The following ADAMTS17 variants were observed in gnomAD, a reference collection of about 807,000 sequenced individuals.
ADAMTS17 encodes ADAM metallopeptidase with thrombospondin type 1 motif 17.
ADAMTS17 carries 113 observed loss-of-function variants against 141.5 expected under a neutral mutation model. The observed-to-expected ratio is 0.80, with a 90% CI of 0.69 to 0.93. The LOEUF is 0.93. Ranked by LOEUF, ADAMTS17 falls within the 40% of genes least tolerant of loss-of-function variation. ADAMTS17 has a pLI of 0.00. For synonymous variants in ADAMTS17, 768 were observed against 630.6 expected (o/e 1.22, Z -3.27); for missense variants, 1,659 against 1,517.9 (o/e 1.09, Z -1.54).
rs2038460758 is a variant in ADAMTS17, at chr15:100,138,660, G to A, written c.1474-5345C>T. On this transcript the variant is annotated intron_variant, in intron 10 of 21. Transcript: ENST00000268070. ...GAAGAACCAAGTGAGAAATACTGAT[G>A]TATGTGTCTAATCAGACCCAGAAGG... 3.9e-5 allele frequency among the ~76,000 whole-genome samples: 6 copies of A among 152,224 alleles called. No individual in the cohort carries two copies. In the South Asian group the frequency reaches 1.0e-3, roughly 26 times the overall value.
At chr15:100,000,881 G>GGA (rs2060907386) in intron 18 of ADAMTS17, among the ~76,000 whole-genome samples, 1 of 152,128 alleles carries the variant, frequency 6.6e-6, no homozygotes, top group East Asian at 1.9e-4. Flanking sequence ...CTCAAATAAA[G>GGA]GAGACATCTT....
chr15:99,978,948 CTT>C (rs2060424424), intron 20 of ADAMTS17: 1 of 152,264 alleles, frequency 6.6e-6, no homozygotes, highest in African/African-American at 2.4e-5. Flanking sequence ...AAAGAGCTCT[CTT>C]TTCTTCCTGT....
intron 3 of ADAMTS17, among the ~76,000 whole-genome samples, chr15:100,286,202 G>C (rs2044442125): frequency 6.6e-6 from 1 of 152,140 alleles, no homozygotes; most frequent in South Asian, 2.1e-4. Flanking sequence ...CGTATTGGCA[G>C]ACTTCACCCT....
intron 12 of ADAMTS17, among the ~76,000 whole-genome samples, chr15:100,127,720 T>C (rs1208974634): frequency 8.5e-5 from 13 of 152,124 alleles, no homozygotes; most frequent in Non-Finnish European, 1.5e-5. Flanking sequence ...TAGCTGGGAT[T>C]ACAGGCATGT....
Position 100,329,863 on chromosome 15 carries a change from G to C in ADAMTS17, c.616+1026C>G, listed in dbSNP as rs1037452190. On this transcript the variant is annotated intron_variant, in intron 3 of 21. Coordinates refer to ENST00000268070, the MANE Select transcript of ADAMTS17 (RefSeq NM_139057.4). Reference sequence around the variant, plus strand: ...TGCAAAACTTGTTTACAAATAACAAGGTAATTCTAAAGCAGTCACATAATT... The same window carrying C: ...TGCAAAACTTGTTTACAAATAACAACGTAATTCTAAAGCAGTCACATAATT... Among the ~76,000 whole-genome samples, 3 of 152,304 alleles carry C rather than the reference G, an allele frequency of 2.0e-5. No individual in the cohort carries two copies. The South Asian group carries it at 6.2e-4, about 32-fold the overall frequency.
chr15:100,179,766 A>C (rs1289000156), intron 8 of ADAMTS17, among the ~76,000 whole-genome samples: 4 of 152,122 alleles, frequency 2.6e-5, no homozygotes, highest in Non-Finnish European at 5.9e-5. Flanking sequence ...ATCTCATGGT[A>C]GTTTTGATCT....
At chr15:100,187,974 C>T (rs377477069) in intron 8 of ADAMTS17, among the ~76,000 whole-genome samples, 25 of 152,256 alleles carry the variant, frequency 1.6e-4, no homozygotes, top group African/African-American at 3.4e-4. Flanking sequence ...GTCCAAGCAA[C>T]GTAGGAGGCT....
chr15:100,088,658 C>T (rs1401939143), intron 15 of ADAMTS17, among the ~76,000 whole-genome samples: 3 of 151,882 alleles, frequency 2.0e-5, no homozygotes, highest in African/African-American at 4.9e-5. Context: ...ACCAATGGAA[C>T]AGAACAGAGC....
At chr15:100,056,627 G>A (rs954272663) in intron 15 of ADAMTS17, among the ~76,000 whole-genome samples, 32 of 152,148 alleles carry the variant, frequency 2.1e-4, no homozygotes, top group Admixed American at 6.5e-4. Context: ...AGGCGGTCAT[G>A]CTCGCTCGCA....
chr15:100,277,981 CAT>C (rs1315986724), intron 4 of ADAMTS17, among the ~76,000 whole-genome samples: 1 of 152,244 alleles, frequency 6.6e-6, no homozygotes, highest in Non-Finnish European at 1.5e-5. Flanking sequence ...CATCCTGACA[CAT>C]GTCACAACAT....
chr15:100,109,484 A>AGGGGGG (rs141585888), intron 13 of ADAMTS17, among the ~76,000 whole-genome samples: 1 of 148,744 alleles, frequency 6.7e-6, no homozygotes, highest in East Asian at 2.0e-4. Context: ...GAGGGTGTGA[A>AGGGGGG]GGGAGGGGGA....
intron 8 of ADAMTS17, among the ~76,000 whole-genome samples, chr15:100,159,070 T>C (rs151063346): frequency 6.6e-6 from 1 of 152,276 alleles, no homozygotes; most frequent in African/African-American, 2.4e-5. Context: ...TGGAGGTTCC[T>C]CAAAAAATTA....
At chr15:100,032,859 C>T (rs1300245968) in intron 18 of ADAMTS17, among the ~76,000 whole-genome samples, 6 of 152,200 alleles carry the variant, frequency 3.9e-5, no homozygotes, top group South Asian at 2.1e-4. Context: ...TGTGGGGCTA[C>T]CTAACCCACG....
At chr15:100,087,839 C>T (rs1433394942) in intron 15 of ADAMTS17, among the ~76,000 whole-genome samples, 1 of 152,158 alleles carries the variant, frequency 6.6e-6, no homozygotes, top group Non-Finnish European at 1.5e-5. Context: ...GGACGTATCT[C>T]AAAATAATAA....
At chr15:100,340,102 G>C (rs368205798) in intron 2 of ADAMTS17, among the ~76,000 whole-genome samples, 4 of 152,250 alleles carry the variant, frequency 2.6e-5, no homozygotes, top group African/African-American at 9.6e-5. Flanking sequence ...GAACCCCTGC[G>C]GTTCATGCTC....
intron 12 of ADAMTS17, among the ~76,000 whole-genome samples, chr15:100,127,735 C>T: frequency 6.6e-6 from 1 of 151,864 alleles, no homozygotes; most frequent in East Asian, 2.0e-4. Flanking sequence ...GCATGTGCCA[C>T]CGCACCTGGC....
At chr15:100,200,073 C>A (rs936897198) in intron 7 of ADAMTS17, among the ~76,000 whole-genome samples, 6 of 152,208 alleles carry the variant, frequency 3.9e-5, no homozygotes, top group African/African-American at 1.4e-4. Flanking sequence ...CTGGGAGAGC[C>A]AGGGTCTTGA....
chr15:100,320,894 T>C (rs1174430684), intron 3 of ADAMTS17, among the ~76,000 whole-genome samples: 1 of 152,098 alleles, frequency 6.6e-6, no homozygotes, highest in Non-Finnish European at 1.5e-5. Flanking sequence ...AAAATAATAA[T>C]TTAGCCATTT....
At chr15:100,243,362 A>G (rs1303200949) in intron 7 of ADAMTS17, among the ~76,000 whole-genome samples, 1 of 152,210 alleles carries the variant, frequency 6.6e-6, no homozygotes, top group Admixed American at 6.5e-5. Context: ...TTCCTGAATC[A>G]TATTTTTTAA....
Sources: allele counts gnomAD v4.1 joint callset (sites outside exome capture counted in the v4.1 genomes callset), GRCh38; gene constraint gnomAD v4.1.1; transcripts MANE v1.5; gene names NCBI Gene and HGNC (gene_info 2026-07-23, HGNC 2026-07-21).